SUCO: variants seen among roughly 807,000 people sequenced by gnomAD.
SUCO encodes the protein SUN domain containing ossification factor, also known as SUN domain-containing ossification factor.
A neutral mutation model predicts 148.1 loss-of-function variants in SUCO; 57 were observed. That is an observed-to-expected ratio of 0.38 (90% CI 0.31 to 0.48). The LOEUF is 0.48. Ranked by LOEUF, SUCO falls within the 20% of genes least tolerant of loss-of-function variation. SUCO has a pLI of 0.96. For synonymous variants in SUCO, 470 were observed against 502.7 expected, an observed-to-expected ratio of 0.93 and a Z score of 0.87; for missense variants, 1,331 against 1,468.2, an observed-to-expected ratio of 0.91 and a Z score of 1.53.
intron 6 of SUCO, among the ~76,000 whole-genome samples, chr1:172,567,819 T>C (rs989221724): frequency 2.0e-5 from 3 of 152,202 alleles, no homozygotes; most frequent in Non-Finnish European, 2.9e-5. Flanking sequence ...TCAACAGATA[T>C]TTCACACTTG....
rs139707513 is a variant in SUCO, at chr1:172,569,899, T to C, written c.857-148T>C. 1,106 of 749,816 alleles carry C rather than the reference T, an allele frequency of 1.5e-3. 8 individuals carry two copies. In the South Asian group the frequency reaches 0.02, roughly 14 times the overall value. The allele number at this position is 749,816 out of a possible 1,614,324, so 46.4% of individuals were successfully genotyped here. A position where few individuals can be genotyped will look rare whatever the true frequency, so the allele number is the denominator to read the frequency against. ...GAGGTGGAGCACTTTGATTTTTTTA[T>C]GAATTTTTAAAATATTCTCTCAAGT... On this transcript the variant is annotated intron_variant, in intron 7 of 23. Transcript: ENST00000263688.
At chr1:172,577,017 C>T in intron 11 of SUCO, 1 of 774,240 alleles carries the variant, frequency 1.3e-6, no homozygotes, top group Non-Finnish European at 1.6e-6. Flanking sequence ...ACATAGCATA[C>T]CAAAAATTCA....
intron 19 of SUCO, among the ~76,000 whole-genome samples, chr1:172,591,396 A>G (rs1261668826): frequency 2.0e-5 from 3 of 151,496 alleles, no homozygotes; most frequent in African/African-American, 7.3e-5. Context: ...CGTCATTTAT[A>G]TTAGGTATAT....
rs759199417 is a variant in SUCO at position 172,570,749 on chromosome 1, T to A, written c.1049+19T>A. 6.8e-7 allele frequency: 1 copy of A among 1,469,450 alleles called. No individual in the cohort carries two copies. The highest frequency in any genetic ancestry group is 1.2e-5 in the South Asian group (1 of 86,734). 91.0% of individuals were successfully genotyped at this position (1,469,450 alleles called of 1,614,324 possible). A position where few individuals can be genotyped will look rare whatever the true frequency, so the allele number is the denominator to read the frequency against. ...AAATTTGGTGAGTTATACACAATTT[T>A]AAAAAGTACATTCTACATATATATG... On this transcript the variant is annotated intron_variant, in intron 9 of 23. Transcript: ENST00000263688.
chr1:172,551,685 A>G, intron 2 of SUCO, 59 bp downstream of exon 2: 1 of 1,092,908 alleles, frequency 9.1e-7, no homozygotes, highest in Non-Finnish European at 1.3e-6. Flanking sequence ...AGTGTCTGAA[A>G]ACATTCAGAA....
chr1:172,602,831 C>G, intron 22 of SUCO, 44 bp downstream of exon 22: 2 of 1,486,058 alleles, frequency 1.3e-6, no homozygotes, highest in Non-Finnish European at 1.9e-6. Context: ...AAACATGAAA[C>G]TAGCTTCTGG....
chr1:172,557,457 A>C, intron 5 of SUCO, 40 bp downstream of exon 5: 4 of 1,612,260 alleles, frequency 2.5e-6, no homozygotes, highest in African/African-American at 1.3e-5. Context: ...ATGATTCTGT[A>C]ATAACAGCAG....
rs80350496 is a variant in SUCO at position 172,588,439 on chromosome 1, G to A, written c.1659-321G>A. The A allele has an allele frequency of 1.8e-4, 174 of 985,140 alleles. 2 individuals carry two copies. The East Asian group carries it at 0.013, about 74-fold the overall frequency. The allele number at this position is 985,140 out of a possible 1,614,324, so 61.0% of individuals were successfully genotyped here. A position where few individuals can be genotyped will look rare whatever the true frequency, so the allele number is the denominator to read the frequency against. Reference sequence around the variant, plus strand: ...TCAGTGAATATTTATGAGAGGAAAGGAACACTACATTCAGTGAATGGAAGT... The same window carrying A: ...TCAGTGAATATTTATGAGAGGAAAGAAACACTACATTCAGTGAATGGAAGT... On this transcript the variant is annotated intron_variant, in intron 17 of 23. Transcript: ENST00000263688.
chr1:172,573,437 T>G (rs1655193299), intron 9 of SUCO, among the ~76,000 whole-genome samples: 1 of 152,152 alleles, frequency 6.6e-6, no homozygotes, highest in Non-Finnish European at 1.5e-5. Context: ...TGTACTTCGA[T>G]ATAGCAAAAT....
At chr1:172,588,441 A>T in intron 17 of SUCO, 1 of 985,268 alleles carries the variant, frequency 1.0e-6, no homozygotes, top group African/African-American at 1.7e-5. Context: ...GAGGAAAGGA[A>T]CACTACATTC....
chr1:172,566,976 CT>C (rs1228026028), intron 6 of SUCO, among the ~76,000 whole-genome samples: 1 of 152,174 alleles, frequency 6.6e-6, no homozygotes, highest in African/African-American at 2.4e-5. Context: ...AATACTAGCT[CT>C]TTTGTCTTTT....
At chr1:172,548,227 A>G (rs1162919698) in intron 1 of SUCO, among the ~76,000 whole-genome samples, 2 of 151,718 alleles carry the variant, frequency 1.3e-5, no homozygotes, top group African/African-American at 2.4e-5. Context: ...ATTGTTATAT[A>G]TAGTTTATAA....
intron 19 of SUCO, among the ~76,000 whole-genome samples, chr1:172,593,760 G>C (rs1363576024): frequency 2.6e-5 from 4 of 152,264 alleles, no homozygotes; most frequent in African/African-American, 7.2e-5. Context: ...TCTCTGCCAG[G>C]CTTTGGTATC....
rs563332745 is a variant in SUCO at position 172,545,906 on chromosome 1, G to GTCCT, written c.63-5592_63-5589dup. The stretch of plus-strand genomic sequence containing the variant: ...CTTCCGTCCTTCTGTCCGTCCGTCC[G>GTCCT]TCCTTCCTTCCTTCCTTTCCTTTCC... On this transcript the variant is annotated intron_variant, in intron 1 of 23. Transcript: ENST00000263688. Among the ~76,000 whole-genome samples the GTCCT allele has an allele frequency of 4.6e-3, 700 of 151,460 alleles. 4 individuals carry two copies. Among genetic ancestry groups the GTCCT allele is most frequent in the South Asian group, 0.019 (89 of 4,804 alleles).
At chr1:172,596,214 T>A (rs992178891) in intron 19 of SUCO, among the ~76,000 whole-genome samples, 3 of 152,260 alleles carry the variant, frequency 2.0e-5, no homozygotes, top group African/African-American at 4.8e-5. Flanking sequence ...TTCTTTGTGA[T>A]GGGTTTGAAC....
In SUCO at chr1:172,568,789, A is replaced by G. The variant is rs140697529; in HGVS notation, c.733-230A>G. On this transcript the variant is annotated intron_variant, in intron 6 of 23. Coordinates refer to ENST00000263688, the MANE Select transcript of SUCO (RefSeq NM_014283.5). ...TTTTTCAACGACCTATGCTTATATC[A>G]CTTAACAAGTGAAGGAACACATCCT... is the stretch of plus-strand genomic sequence containing the variant. Among the ~76,000 whole-genome samples the G allele has an allele frequency of 1.1e-3, 173 of 152,256 alleles. 1 individual carries two copies. In the East Asian group the frequency reaches 0.028, roughly 25 times the overall value.
upstream of SUCO, chr1:172,533,115 C>T (rs78561962): frequency 1.8e-3 from 2,615 of 1,431,472 alleles, 47 homozygotes; most frequent in African/African-American, 0.034. Flanking sequence ...GGTCGCTGGC[C>T]TCACGGAGCA....
intron 4 of SUCO, 177 bp from the exon 5 acceptor site, chr1:172,557,103 A>G (rs1653809301): frequency 2.0e-6 from 2 of 980,538 alleles, no homozygotes; most frequent in South Asian, 9.5e-5. Context: ...ATATTTGGTA[A>G]GTAGTTATTT....
rs1655535639 is a variant in SUCO at position 172,577,522 on chromosome 1, C to T, written c.1264-17C>T. 5 of 1,607,176 alleles carry T rather than the reference C, an allele frequency of 3.1e-6. No individual in the cohort carries two copies. Among genetic ancestry groups the T allele is most frequent in the Non-Finnish European group, 4.2e-6 (5 of 1,177,668 alleles). On this transcript the variant is annotated splice_polypyrimidine_tract_variant and intron_variant, in intron 11 of 23. Coordinates refer to ENST00000263688, the MANE Select transcript of SUCO (RefSeq NM_014283.5). The stretch of plus-strand genomic sequence containing the variant: ...TTTGGAACTGATTTCTTTTTCTTTT[C>T]CTTTCTCTTGCTTCAGATGTTCATC...
Sources: allele counts gnomAD v4.1 joint callset (sites outside exome capture counted in the v4.1 genomes callset), GRCh38; gene constraint gnomAD v4.1.1; transcripts MANE v1.5; gene names NCBI Gene and HGNC (gene_info 2026-07-23, HGNC 2026-07-21).